Variants in NUP43 observed in about 807,000 individuals in gnomAD.
The protein encoded by NUP43 is nucleoporin Nup43.
Under a neutral mutation model 47.3 loss-of-function variants are expected in NUP43, and 32 were observed. That is an observed-to-expected ratio of 0.68 (90% CI 0.51 to 0.91). NUP43 has a LOEUF of 0.91. Ranked by LOEUF, NUP43 falls within the 40% of genes least tolerant of loss-of-function variation. The pLI, the probability that NUP43 is intolerant of heterozygous loss-of-function variation, is 0.00. For missense variants in NUP43, 444 were observed against 453.9 expected (o/e 0.98, Z 0.20); for synonymous variants, 147 against 158.4 (o/e 0.93, Z 0.54).
chr6:149,746,658 T>C (rs775029049), upstream of NUP43: 419 of 1,562,842 alleles, frequency 2.7e-4, no homozygotes, highest in Non-Finnish European at 3.5e-4. Context: ...AGTCAGTACC[T>C]AGACTGAGAG....
chr6:149,726,427 G>C lies in NUP43; in HGVS notation c.*542C>G, dbSNP rs893150594. 4.0e-5 allele frequency: 6 copies of C among 151,196 alleles called. No individual in the cohort carries two copies. The East Asian group carries it at 9.7e-4, about 24-fold the overall frequency. 9.4% of individuals were successfully genotyped at this position (151,196 alleles called of 1,614,324 possible). On this transcript the variant is annotated 3_prime_UTR_variant, in exon 8 of 8. Transcript: ENST00000340413. ...AAAAAAAAAAAAAAAATTGAACACA[G>C]CTACACATCTTTGTCATTTTTGCTC...
intron 5 of NUP43, among the ~76,000 whole-genome samples, chr6:149,737,822 CG>C (rs2115119404): frequency 6.6e-6 from 1 of 152,070 alleles, no homozygotes; most frequent in East Asian, 1.9e-4. Context: ...TCCTGAGTAG[CG>C]GGGTCTATAG....
Position 149,724,570 on chromosome 6 carries a change from A to G in NUP43, c.*2399T>C, listed in dbSNP as rs1413117463. ...ATGTGAAACTGTATTGGAAAATGGG[A>G]AACTTTATCTCCTTATATATGTATA... is the stretch of plus-strand genomic sequence containing the variant. On this transcript the variant is annotated 3_prime_UTR_variant, in exon 8 of 8. Coordinates refer to ENST00000340413, the MANE Select transcript of NUP43 (RefSeq NM_198887.3). 1 of 152,048 alleles carries G rather than the reference A, an allele frequency of 6.6e-6. No homozygotes were observed. Among genetic ancestry groups the G allele is most frequent in the East Asian group, 1.9e-4 (1 of 5,194 alleles). The allele number at this position is 152,048 out of a possible 1,614,324, so 9.4% of individuals were successfully genotyped here.
chr6:149,727,096 C>G lies in NUP43; in HGVS notation c.1016G>C (p.Arg339Pro). 1 of 1,614,100 alleles carries G rather than the reference C, an allele frequency of 6.2e-7. No individual in the cohort carries two copies. Among genetic ancestry groups the G allele is most frequent in the East Asian group, 2.2e-5 (1 of 44,878 alleles). ...SWLSTDPAKDRIEITSLLPSR... is the reference protein window; with the variant it reads ...SWLSTDPAKDPIEITSLLPSR... ...GGGAAGTAAGCTTGTGATTTCAATT[C>G]GGTCTTTTGCAGGATCAGTGCTGAG... The change falls in exon 8 of 8, where the codon CGA becomes CCA. Residue 339 changes from arginine to proline, a missense_variant. By Grantham distance (103) the Arg-to-Pro change is moderately radical. Coordinates refer to ENST00000340413, the MANE Select transcript of NUP43 (RefSeq NM_198887.3).
In NUP43 at chr6:149,727,398, G is replaced by A. The variant is rs367935082; in HGVS notation, c.914-200C>T. ...TGATATTAAATATTCAAATTTCCAT[G>A]GGATAATATGGATACCAAACTCGAA... On this transcript the variant is annotated intron_variant, in intron 7 of 7. Coordinates refer to ENST00000340413, the MANE Select transcript of NUP43 (RefSeq NM_198887.3). The A allele has an allele frequency of 1.0e-5, 10 of 983,984 alleles. No individual in the cohort carries two copies. The African/African-American group carries it at 1.0e-4, about 10-fold the overall frequency. 61.0% of individuals were successfully genotyped at this position (983,984 alleles called of 1,614,324 possible).
At chr6:149,746,318 G>GGTC (rs1785998042) in intron 1 of NUP43, 58 bp downstream of exon 1, 3 of 1,596,764 alleles carry the variant, frequency 1.9e-6, no homozygotes, top group Non-Finnish European at 2.6e-6. Context: ...GAAGGCCAGG[G>GGTC]GTCAGCTCAA....
At chr6:149,728,780 C>T (rs1784902314) in intron 7 of NUP43, among the ~76,000 whole-genome samples, 1 of 152,152 alleles carries the variant, frequency 6.6e-6, no homozygotes. Context: ...GTCTCAGGCC[C>T]TCAGCATTTG....
At position 149,745,099 on chromosome 6, in the gene NUP43, G is replaced by A. The variant is rs181707407; in HGVS notation, c.243+841C>T. ...GAAAATGCAGGGGCTCTCCACACCA[G>A]GATTTGAAAACTTAATTTCGGCCGG... is the stretch of plus-strand genomic sequence containing the variant. On this transcript the variant is annotated intron_variant, in intron 2 of 7. Coordinates refer to ENST00000340413, the MANE Select transcript of NUP43 (RefSeq NM_198887.3). Among the ~76,000 whole-genome samples, 146 of 150,886 alleles carry A rather than the reference G, an allele frequency of 9.7e-4. 1 individual carries two copies. The highest frequency in any genetic ancestry group is 3.4e-3 in the African/African-American group (140 of 41,180).
chr6:149,746,451 T>C lies in NUP43; in HGVS notation c.45A>G (p.Lys15=). Residue 15 remains lysine, a synonymous_variant, in exon 1 of 8, where the codon AAA becomes AAG. Transcript: ENST00000340413. ...CCGGAGGCAGCGGTCGCCAGCGGGT[T>C]TTGCTGATTTTCTGGGACACAAACT... ...YAKFVSQKIS[K]TRWRPLPPGS... 1 of 1,614,134 alleles carries C rather than the reference T, an allele frequency of 6.2e-7. No individual in the cohort carries two copies. Among genetic ancestry groups the C allele is most frequent in the Non-Finnish European group, 8.5e-7 (1 of 1,180,034 alleles).
At chr6:149,737,199 G>A (rs1177541856) in intron 5 of NUP43, among the ~76,000 whole-genome samples, 1 of 151,688 alleles carries the variant, frequency 6.6e-6, no homozygotes, top group Non-Finnish European at 1.5e-5. Flanking sequence ...CATGAGAATC[G>A]CCTGAACCCA....
At chr6:149,742,048 C>A (rs1349494993) in intron 4 of NUP43, among the ~76,000 whole-genome samples, 1 of 146,814 alleles carries the variant, frequency 6.8e-6, no homozygotes, top group African/African-American at 2.5e-5. Flanking sequence ...TTTTTTTAAA[C>A]AGAGTTTCAC....
In NUP43 at chr6:149,724,567, G is replaced by A. The variant is rs565332615; in HGVS notation, c.*2402C>T. ...CAAATGTGAAACTGTATTGGAAAAT[G>A]GGAAACTTTATCTCCTTATATATGT... is the stretch of plus-strand genomic sequence containing the variant. On this transcript the variant is annotated 3_prime_UTR_variant, in exon 8 of 8. Transcript: ENST00000340413. The A allele has an allele frequency of 6.6e-6, 1 of 152,192 alleles. No individual in the cohort carries two copies. Among genetic ancestry groups the A allele is most frequent in the East Asian group, 1.9e-4 (1 of 5,180 alleles). 9.4% of individuals were successfully genotyped at this position (152,192 alleles called of 1,614,324 possible).
In NUP43 at chr6:149,726,519, T is replaced by C. The variant is rs755633011; in HGVS notation, c.*450A>G. The C allele has an allele frequency of 5.9e-6, 1 of 168,444 alleles. No individual in the cohort carries two copies. Among genetic ancestry groups the C allele is most frequent in the Non-Finnish European group, 1.3e-5 (1 of 77,096 alleles). 10.4% of individuals were successfully genotyped at this position (168,444 alleles called of 1,614,324 possible). A position where few individuals can be genotyped will look rare whatever the true frequency, so the allele number is the denominator to read the frequency against. Reference sequence around the variant, plus strand: ...TAAAGTGTGGAAGGATCATAGGAAATACTTGCAATAAAAAGAATAATCATT... The same window carrying C: ...TAAAGTGTGGAAGGATCATAGGAAACACTTGCAATAAAAAGAATAATCATT... On this transcript the variant is annotated 3_prime_UTR_variant, in exon 8 of 8. Transcript: ENST00000340413.
chr6:149,726,766 T>C lies in NUP43; in HGVS notation c.*203A>G. On this transcript the variant is annotated 3_prime_UTR_variant, in exon 8 of 8. Transcript: ENST00000340413. ...TTTTCTTCCACATGTTCACAATCTT[T>C]TGCCATCAGTCATCTATCGGATTCT... 1.8e-6 allele frequency: 1 copy of C among 570,404 alleles called. No homozygotes were observed. The highest frequency in any genetic ancestry group is 3.1e-6 in the Non-Finnish European group (1 of 319,228). The allele number at this position is 570,404 out of a possible 1,614,324, so 35.3% of individuals were successfully genotyped here.
At chr6:149,746,804 A>C (rs759788125), upstream of NUP43, 1 of 872,182 alleles carries the variant, frequency 1.1e-6, no homozygotes, top group South Asian at 1.7e-5. Context: ...TTAAGTGCAA[A>C]AACAGAACAA....
In NUP43 at chr6:149,736,619, A is replaced by G. The variant is rs766634259; in HGVS notation, c.642T>C (p.Thr214=). 3.8e-6 allele frequency: 6 copies of G among 1,578,136 alleles called. No homozygotes were observed. The highest frequency in any genetic ancestry group is 8.7e-7 in the Non-Finnish European group (1 of 1,151,750). The change falls in exon 6 of 8, where the codon ACT becomes ACC. Residue 214 remains threonine (T), a synonymous_variant. Transcript: ENST00000340413. The stretch of plus-strand genomic sequence containing the variant: ...CACAGTGGAGTGGCACTCGGTCACC[A>G]GTCCTTTTGTGGGAGATAACAATGA... ...GNEPSQILSL[T]GDRVPLHCVD... is the part of the protein sequence containing the mutation.
chr6:149,745,838 G>C, intron 2 of NUP43, 102 bp downstream of exon 2: 1 of 1,035,376 alleles, frequency 9.7e-7, no homozygotes, highest in Non-Finnish European at 1.4e-6. Context: ...TCAGTTTTCT[G>C]TAAACGAGGG....
Position 149,742,242 on chromosome 6 carries a change from T to C in NUP43, c.502+148A>G, listed in dbSNP as rs1562382902. ...TGTTTCTCCATGTTGGTCAGGCTGG[T>C]CTCGGACTCCCGACCTCAGGTGATC... On this transcript the variant is annotated intron_variant, in intron 4 of 7. Coordinates refer to ENST00000340413, the MANE Select transcript of NUP43 (RefSeq NM_198887.3). 1.4e-5 allele frequency: 9 copies of C among 642,602 alleles called. No individual in the cohort carries two copies. In the East Asian group the frequency reaches 2.4e-4, roughly 17 times the overall value. The allele number at this position is 642,602 out of a possible 1,614,324, so 39.8% of individuals were successfully genotyped here. A position where few individuals can be genotyped will look rare whatever the true frequency, so the allele number is the denominator to read the frequency against.
chr6:149,746,077 G>T lies in NUP43; in HGVS notation c.121-15C>A. 6.2e-7 allele frequency: 1 copy of T among 1,607,732 alleles called. No individual in the cohort carries two copies. Among genetic ancestry groups the T allele is most frequent in the Non-Finnish European group, 8.5e-7 (1 of 1,178,718 alleles). ...ATATAATTTTCCTGTAAAACAGAAA[G>T]TTTTGTCTTGAGATGACATAAACGT... is the stretch of plus-strand genomic sequence containing the variant. On this transcript the variant is annotated splice_polypyrimidine_tract_variant and intron_variant, in intron 1 of 7. Transcript: ENST00000340413.
Sources: allele counts gnomAD v4.1 joint callset (sites outside exome capture counted in the v4.1 genomes callset), GRCh38; gene constraint gnomAD v4.1.1; transcripts MANE v1.5; gene names NCBI Gene and HGNC (gene_info 2026-07-23, HGNC 2026-07-21).